TRIM14: variants seen among roughly 807,000 people sequenced by gnomAD.
The protein encoded by TRIM14 is tripartite motif-containing protein 14.
A neutral mutation model predicts 44.5 loss-of-function variants in TRIM14; 28 were observed. That is an observed-to-expected ratio of 0.63 (90% CI 0.47 to 0.86). The LOEUF (loss-of-function observed/expected upper bound fraction) is 0.86, where lower values mean the gene tolerates loss of function less well. Among genes scored for constraint, TRIM14 ranks in the 40% least tolerant of loss-of-function variants. The probability of loss-of-function intolerance (pLI) is 0.00; values close to 1 mark genes in which losing one functional copy is unlikely to be tolerated. For synonymous variants in TRIM14, 299 were observed against 269.2 expected (o/e 1.11, Z -1.08); for missense variants, 607 against 611.1 (o/e 0.99, Z 0.07).
intron 6 of TRIM14, among the ~76,000 whole-genome samples, chr9:98,070,276 C>T (rs1829281722): frequency 6.6e-6 from 1 of 152,054 alleles, no homozygotes; most frequent in Non-Finnish European, 1.5e-5. Context: ...TGCCACCATG[C>T]CCAGCTAATT....
intron 6 of TRIM14, among the ~76,000 whole-genome samples, chr9:98,072,146 T>G (rs1203005876): frequency 6.6e-6 from 1 of 152,152 alleles, no homozygotes; most frequent in African/African-American, 2.4e-5. Flanking sequence ...CATGTAACCT[T>G]GGAGCCGCAG....
At chr9:98,039,281 G>A in the TRIM14 span, among the ~76,000 whole-genome samples, 1 of 152,086 alleles carries the variant, frequency 6.6e-6, no homozygotes, top group Non-Finnish European at 1.5e-5. Flanking sequence ...CTCTTGGGTA[G>A]CTGTGTAGCT....
At position 98,086,790 on chromosome 9, in the gene TRIM14, C is replaced by G. The variant is rs1358282362; in HGVS notation, c.*680G>C. The stretch of plus-strand genomic sequence containing the variant: ...GTAATTTTGGGCAGACTAGACAAGC[C>G]TTGAATGCTAAGGTGAGGCGCTTGT... On this transcript the variant is annotated 3_prime_UTR_variant, in exon 6 of 6. Transcript: ENST00000341469. 1 of 153,142 alleles carries G rather than the reference C, an allele frequency of 6.5e-6. No homozygotes were observed. Among genetic ancestry groups the G allele is most frequent in the Non-Finnish European group, 1.5e-5 (1 of 68,886 alleles). 9.5% of individuals were successfully genotyped at this position (153,142 alleles called of 1,614,324 possible).
intron 4 of TRIM14, among the ~76,000 whole-genome samples, chr9:98,093,181 C>G (rs1219414074): frequency 6.6e-6 from 1 of 152,152 alleles, no homozygotes; most frequent in Non-Finnish European, 1.5e-5. Context: ...GGATTCTGAT[C>G]TCTTTCCTCT....
At chr9:98,096,254 C>T (rs1235138520) in intron 3 of TRIM14, among the ~76,000 whole-genome samples, 1 of 152,154 alleles carries the variant, frequency 6.6e-6, no homozygotes, top group Non-Finnish European at 1.5e-5. Context: ...CCCATTCAGC[C>T]TAGGAGGCCA....
At chr9:98,046,703 T>A in the TRIM14 span, among the ~76,000 whole-genome samples, 8 of 152,166 alleles carry the variant, frequency 5.3e-5, no homozygotes, top group Non-Finnish European at 7.3e-5. Flanking sequence ...CCTCTCAAAG[T>A]GCTGGGATTA....
intron 2 of TRIM14, 52 bp downstream of exon 2, chr9:98,109,837 T>A: frequency 6.8e-7 from 1 of 1,479,664 alleles, no homozygotes; most frequent in Non-Finnish European, 9.4e-7. Flanking sequence ...CCCTTTTGTC[T>A]GGGGGGAAAT....
At chr9:98,081,097 A>G (rs1829837299), downstream of TRIM14, 1 of 1,613,336 alleles carries the variant, frequency 6.2e-7, no homozygotes, top group South Asian at 1.1e-5. Flanking sequence ...GTCCTGCCGG[A>G]CTCTACTCGG....
At chr9:98,050,133 GC>G in the TRIM14 span, among the ~76,000 whole-genome samples, 3 of 152,184 alleles carry the variant, frequency 2.0e-5, no homozygotes, top group African/African-American at 7.2e-5. Flanking sequence ...CATTTGATTG[GC>G]CCAAACTCAG....
At chr9:98,064,237 A>T in the TRIM14 span, among the ~76,000 whole-genome samples, 47 of 152,250 alleles carry the variant, frequency 3.1e-4, no homozygotes, top group African/African-American at 9.9e-4. Context: ...GCAGTTGTGT[A>T]CTTAACAATC....
chr9:98,077,960 C>G (rs1052021125), intron 6 of TRIM14: 10 of 556,974 alleles, frequency 1.8e-5, no homozygotes, highest in Non-Finnish European at 2.9e-5. Context: ...CTCTTTAATT[C>G]AGTTCCTTTT....
downstream of TRIM14, among the ~76,000 whole-genome samples, chr9:98,064,812 C>CA (rs2131625861): frequency 6.6e-6 from 1 of 152,310 alleles, no homozygotes; most frequent in East Asian, 1.9e-4. Context: ...CGTAGACTCC[C>CA]ACTGTGAATG....
At chr9:98,040,524 C>T in the TRIM14 span, among the ~76,000 whole-genome samples, 16 of 151,996 alleles carry the variant, frequency 1.1e-4, no homozygotes, top group Non-Finnish European at 1.9e-4. Flanking sequence ...ATGCGCTCTC[C>T]TGCAGCAGTT....
chr9:98,061,910 C>T, the TRIM14 span, among the ~76,000 whole-genome samples: 1 of 151,894 alleles, frequency 6.6e-6, no homozygotes, highest in Non-Finnish European at 1.5e-5. Context: ...GGCCAGGTTT[C>T]TCCCAGTAGA....
At chr9:98,101,508 C>G (rs1313854132) in intron 2 of TRIM14, among the ~76,000 whole-genome samples, 1 of 151,842 alleles carries the variant, frequency 6.6e-6, no homozygotes, top group African/African-American at 2.4e-5. Context: ...TCACTGCAAC[C>G]TCCGCTTCCC....
At chr9:98,080,681 A>G (rs1300441840), downstream of TRIM14, 1 of 909,984 alleles carries the variant, frequency 1.1e-6, no homozygotes, top group Non-Finnish European at 1.6e-6. Flanking sequence ...AGAGGCTCAG[A>G]GAGCCTCAGT....
chr9:98,117,456 C>T (rs142325704), intron 1 of TRIM14, among the ~76,000 whole-genome samples: 1,766 of 152,174 alleles, frequency 0.012, 20 homozygotes, highest in Non-Finnish European at 0.02. Context: ...TACCACCACA[C>T]CTGGCTGATT....
At chr9:98,038,120 G>A in the TRIM14 span, among the ~76,000 whole-genome samples, 18 of 151,844 alleles carry the variant, frequency 1.2e-4, no homozygotes, top group Admixed American at 2.0e-4. Flanking sequence ...GCATGATCTC[G>A]GCTCACTGCA....
intron 2 of TRIM14, among the ~76,000 whole-genome samples, chr9:98,102,889 C>T (rs1028137237): frequency 2.0e-5 from 3 of 151,854 alleles, no homozygotes; most frequent in African/African-American, 7.3e-5. Context: ...AATATAACAA[C>T]AAAAACAATG....
Sources: allele counts gnomAD v4.1 joint callset (sites outside exome capture counted in the v4.1 genomes callset), GRCh38; gene constraint gnomAD v4.1.1; transcripts MANE v1.5; gene names NCBI Gene and HGNC (gene_info 2026-07-23, HGNC 2026-07-21).